NSMAF: variants seen among roughly 807,000 people sequenced by gnomAD.
NSMAF encodes neutral sphingomyelinase activation associated factor.
In NSMAF, 90 loss-of-function variants were observed where a neutral mutation model predicts 134.9. The observed-to-expected ratio is 0.67, with a 90% CI of 0.56 to 0.79. The LOEUF (loss-of-function observed/expected upper bound fraction) is 0.79. Ranked by LOEUF, NSMAF falls within the 30% of genes least tolerant of loss-of-function variation. NSMAF has a pLI of 0.00. For missense variants in NSMAF, 1,010 were observed against 1,119.0 expected (o/e 0.90, Z 1.39); for synonymous variants, 358 against 389.6 (o/e 0.92, Z 0.96).
intron 2 of NSMAF, among the ~76,000 whole-genome samples, chr8:58,640,615 C>G (rs1208115744): frequency 6.6e-6 from 1 of 152,076 alleles, no homozygotes; most frequent in Non-Finnish European, 1.5e-5. Context: ...TTTCATCTTA[C>G]CAGAGATACA....
chr8:58,602,014 C>T (rs1806294713), intron 14 of NSMAF, 44 bp downstream of exon 14: 1 of 1,467,616 alleles, frequency 6.8e-7, no homozygotes, highest in Non-Finnish European at 9.5e-7. Context: ...CAGGCCATGG[C>T]TTCTCGTGTT....
intron 18 of NSMAF, 85 bp from the exon 19 acceptor site, chr8:58,599,448 C>CTTCT: frequency 2.8e-6 from 4 of 1,417,182 alleles, no homozygotes; most frequent in Non-Finnish European, 3.8e-6. Context: ...GTATATAAAG[C>CTTCT]TTCTAGGACA....
In NSMAF at chr8:58,650,052, ACT is replaced by A. The variant is rs201317961; in HGVS notation, c.60-6981_60-6980del. The stretch of plus-strand genomic sequence containing the variant: ...AATAATTCTGTGGTTCTACACTCAA[ACT>A]CTCCCAGGATTTTACGCCAGGAGAC... On this transcript the variant is annotated intron_variant, in intron 1 of 30. Coordinates refer to ENST00000038176, the MANE Select transcript of NSMAF (RefSeq NM_003580.4). Among the ~76,000 whole-genome samples, 53 of 152,188 alleles carry A rather than the reference ACT, an allele frequency of 3.5e-4. No homozygotes were observed. The East Asian group carries it at 9.3e-3, about 27-fold the overall frequency.
At position 58,601,494 on chromosome 8, in the gene NSMAF, C is replaced by T. The variant is rs78609537; in HGVS notation, c.1167G>A (p.Gly389=). 6.2e-7 allele frequency: 1 copy of T among 1,610,948 alleles called. No individual in the cohort carries two copies. The highest frequency in any genetic ancestry group is 1.7e-5 in the Admixed American group (1 of 59,612). Residue 389 remains glycine, a synonymous_variant, in exon 15 of 31, where the codon GGG becomes GGA. Coordinates refer to ENST00000038176, the MANE Select transcript of NSMAF (RefSeq NM_003580.4). ...CATAACCCGGGGAAGAGTAGTGACTCCCATACATGAACTTTGGTTCAGGCA... is the reference window on the plus strand; with the variant it reads ...CATAACCCGGGGAAGAGTAGTGACTTCCATACATGAACTTTGGTTCAGGCA... ...QEMPEPKFMY[G]SHYSSPGYVL... is the part of the protein sequence containing the mutation.
At chr8:58,596,725 C>T (rs928568507) in intron 21 of NSMAF, among the ~76,000 whole-genome samples, 7 of 152,014 alleles carry the variant, frequency 4.6e-5, no homozygotes, top group African/African-American at 1.2e-4. Flanking sequence ...GTCAGGAGAT[C>T]GAGACCATCC....
At chr8:58,596,564 G>A (rs146010335) in intron 21 of NSMAF, among the ~76,000 whole-genome samples, 5 of 152,198 alleles carry the variant, frequency 3.3e-5, no homozygotes, top group African/African-American at 4.8e-5. Flanking sequence ...GCGCAGAACA[G>A]ATACCCTGTA....
In NSMAF at chr8:58,587,678, C is replaced by G; in HGVS notation, c.2235G>C (p.Glu745Asp). Reference protein sequence around the residue: ...TVKVWSGVPAEMPGTKRHHFD... With the variant: ...TVKVWSGVPADMPGTKRHHFD... The stretch of plus-strand genomic sequence containing the variant: ...AGTGGTGTCTTTTGGTGCCTGGCAT[C>G]TCTGCAGGAACACCAGACCACACCT... Residue 745 changes from glutamate (E) to aspartate (D), a missense_variant, in exon 27 of 31, where the codon GAG (glutamate) becomes GAC (aspartate). Physicochemically the swap from Glu to Asp is conservative, Grantham distance 45 (BLOSUM62 2). Coordinates refer to ENST00000038176, the MANE Select transcript of NSMAF (RefSeq NM_003580.4). 1.9e-6 allele frequency: 3 copies of G among 1,614,160 alleles called. No individual in the cohort carries two copies. The highest frequency in any genetic ancestry group is 2.5e-6 in the Non-Finnish European group (3 of 1,180,000).
At chr8:58,628,724 G>A (rs1327528006) in intron 6 of NSMAF, among the ~76,000 whole-genome samples, 1 of 151,970 alleles carries the variant, frequency 6.6e-6, no homozygotes, top group African/African-American at 2.4e-5. Context: ...AGATCTAATG[G>A]TGGTAAACTC....
Position 58,595,624 on chromosome 8 carries a change from T to C in NSMAF, c.1828A>G (p.Lys610Glu). 1.2e-6 allele frequency: 2 copies of C among 1,614,150 alleles called. No individual in the cohort carries two copies. The highest frequency in any genetic ancestry group is 1.7e-6 in the Non-Finnish European group (2 of 1,179,978). The change falls in exon 22 of 31, where the codon AAA (lysine) becomes GAA (glutamate). Residue 610 changes from lysine (K) to glutamate (E), a missense_variant. Transcript: ENST00000038176. Reference protein sequence around the residue: ...ESFEDLTEESKTLAWNNITKL... With the variant: ...ESFEDLTEESETLAWNNITKL... ...GTGATGTTATTCCAGGCCAGTGTTTTGCTTTCTTCGGTCAGGTCTTCAAAA... is the reference window on the plus strand; with the variant it reads ...GTGATGTTATTCCAGGCCAGTGTTTCGCTTTCTTCGGTCAGGTCTTCAAAA...
intron 23 of NSMAF, among the ~76,000 whole-genome samples, chr8:58,592,629 T>A (rs1806043202): frequency 6.6e-6 from 1 of 152,240 alleles, no homozygotes; most frequent in African/African-American, 2.4e-5. Context: ...GGCCCATGCC[T>A]GTAATCCCAG....
rs575549135 is a variant in NSMAF, at chr8:58,640,650, T to C, written c.149+2334A>G. Among the ~76,000 whole-genome samples the C allele has an allele frequency of 1.1e-4, 16 of 152,330 alleles. No individual in the cohort carries two copies. In the South Asian group the frequency reaches 3.3e-3, roughly 32 times the overall value. ...ACAGTCAAATTATTATATTGTAAAG[T>C]TGATTAAAATAATTTTCTGTGGCTA... On this transcript the variant is annotated intron_variant, in intron 2 of 30. Coordinates refer to ENST00000038176, the MANE Select transcript of NSMAF (RefSeq NM_003580.4).
At chr8:58,648,661 C>A (rs1807514503) in intron 1 of NSMAF, among the ~76,000 whole-genome samples, 1 of 152,238 alleles carries the variant, frequency 6.6e-6, no homozygotes, top group African/African-American at 2.4e-5. Context: ...TGCAGACCCA[C>A]TGTTCCACCT....
At chr8:58,647,427 C>G (rs896335352) in intron 1 of NSMAF, among the ~76,000 whole-genome samples, 8 of 152,192 alleles carry the variant, frequency 5.3e-5, no homozygotes, top group Non-Finnish European at 2.9e-5. Context: ...AACATCCCCC[C>G]AGTAATACAC....
At chr8:58,621,810 G>A (rs935026754) in intron 9 of NSMAF, among the ~76,000 whole-genome samples, 1 of 152,016 alleles carries the variant, frequency 6.6e-6, no homozygotes, top group Non-Finnish European at 1.5e-5. Context: ...CATGACCTTG[G>A]CCTACTTTTT....
intron 23 of NSMAF, among the ~76,000 whole-genome samples, chr8:58,592,068 C>T (rs1352797325): frequency 2.0e-5 from 3 of 152,192 alleles, no homozygotes; most frequent in Non-Finnish European, 2.9e-5. Flanking sequence ...CACAGTATCA[C>T]TTGAACTTTC....
chr8:58,630,467 C>T (rs765123784), intron 6 of NSMAF, among the ~76,000 whole-genome samples: 14 of 152,214 alleles, frequency 9.2e-5, no homozygotes, highest in East Asian at 5.8e-4. Flanking sequence ...CTGGCTCTCA[C>T]GAGAGCCTTT....
At chr8:58,609,119 A>G (rs367929172) in intron 10 of NSMAF, among the ~76,000 whole-genome samples, 2 of 152,226 alleles carry the variant, frequency 1.3e-5, no homozygotes, top group South Asian at 2.1e-4. Context: ...ACACCTCTGC[A>G]CTAGCTGGGA....
At position 58,599,241 on chromosome 8, in the gene NSMAF, C is replaced by A; in HGVS notation, c.1576G>T (p.Ala526Ser). ...AATGAATATTACATACCATTATGGG[C>A]CCCAACTGCATCACTCCCTTTTTGT... ...YKQKGSDAVGAHNVFHPLTYE... is the reference protein window; with the variant it reads ...YKQKGSDAVGSHNVFHPLTYE... Residue 526 changes from alanine (A) to serine (S), a missense_variant, in exon 19 of 31, where the codon GCC becomes TCC. Transcript: ENST00000038176. The A allele has an allele frequency of 1.2e-6, 2 of 1,613,242 alleles. No homozygotes were observed. Among genetic ancestry groups the A allele is most frequent in the Non-Finnish European group, 1.7e-6 (2 of 1,179,424 alleles).
intron 5 of NSMAF, among the ~76,000 whole-genome samples, chr8:58,632,107 A>C (rs1269193313): frequency 1.3e-5 from 2 of 152,136 alleles, no homozygotes; most frequent in African/African-American, 4.8e-5. Flanking sequence ...AAGTTACCTG[A>C]GCTCTCAAAG....
Sources: gnomAD v4.1 joint callset for allele counts (sites outside exome capture counted in the v4.1 genomes callset) on GRCh38, gnomAD v4.1.1 for gene constraint, MANE v1.5 for transcripts, NCBI Gene and HGNC (gene_info 2026-07-23, HGNC 2026-07-21) for gene names.